The following CACNA2D4 variants were observed in gnomAD, a reference collection of about 807,000 sequenced individuals.
The protein encoded by CACNA2D4 is voltage-dependent calcium channel subunit alpha-2/delta-4.
A neutral mutation model predicts 163.8 loss-of-function variants in CACNA2D4; 157 were observed. The observed-to-expected ratio is 0.96, with a 90% CI of 0.84 to 1.09. The LOEUF (loss-of-function observed/expected upper bound fraction) is 1.09, where lower values mean the gene tolerates loss of function less well. Among genes scored for constraint, CACNA2D4 ranks in the 50% least tolerant of loss-of-function variants. The pLI, the probability that CACNA2D4 is intolerant of heterozygous loss-of-function variation, is 0.00. For synonymous variants in CACNA2D4, 598 were observed against 586.9 expected, an observed-to-expected ratio of 1.02 and a Z score of -0.27; for missense variants, 1,410 against 1,479.9, an observed-to-expected ratio of 0.95 and a Z score of 0.78.
chr12:1,913,666 G>T (rs1174129360), intron 2 of CACNA2D4, among the ~76,000 whole-genome samples: 2 of 152,232 alleles, frequency 1.3e-5, no homozygotes, highest in Non-Finnish European at 2.9e-5. Context: ...CAGGCACTGA[G>T]GATGGCTGCC....
chr12:1,820,546 CCT>C lies in CACNA2D4; in HGVS notation c.2552-8825_2552-8824del, dbSNP rs200465296. The C allele has an allele frequency of 2.4e-3, 370 of 152,342 alleles. 2 individuals carry two copies. Among genetic ancestry groups the C allele is most frequent in the Middle Eastern group, 0.013 (4 of 298 alleles). 9.4% of individuals were successfully genotyped at this position (152,342 alleles called of 1,614,324 possible). Reference sequence around the variant, plus strand: ...TCCCTCGCCCCTTTCTTCCCTCTCTCCTCTCTCTCTCTCCCTCCATCCCTCTC... The same window carrying C: ...TCCCTCGCCCCTTTCTTCCCTCTCTCCTCTCTCTCTCCCTCCATCCCTCTC... On this transcript the variant is annotated intron_variant, in intron 26 of 37. Coordinates refer to ENST00000382722, the MANE Select transcript of CACNA2D4 (RefSeq NM_172364.5). This position sits in a 1 kb window ranked among gnomAD's most constrained non-coding sequence, Gnocchi z 6.0.
chr12:1,792,319 G>A lies in CACNA2D4; in HGVS notation c.*1336C>T, dbSNP rs1044825. On this transcript the variant is annotated 3_prime_UTR_variant, in exon 38 of 38. Coordinates refer to ENST00000382722, the MANE Select transcript of CACNA2D4 (RefSeq NM_172364.5). ...ACGGTAAGAGTGACATTCTGTAACC[G>A]ATAATGTAAGTGTGTTTTACAGAGT... The A allele has an allele frequency of 6.6e-6, 1 of 152,104 alleles. No individual in the cohort carries two copies. The highest frequency in any genetic ancestry group is 2.4e-5 in the African/African-American group (1 of 41,410). The allele number at this position is 152,104 out of a possible 1,614,324, so 9.4% of individuals were successfully genotyped here. A position where few individuals can be genotyped will look rare whatever the true frequency, so the allele number is the denominator to read the frequency against.
At chr12:1,830,477 C>G (rs1322001363) in intron 26 of CACNA2D4, among the ~76,000 whole-genome samples, 2 of 152,232 alleles carry the variant, frequency 1.3e-5, no homozygotes, top group South Asian at 2.1e-4. Context: ...GAAACAAACT[C>G]TGTCCCAGCA....
chr12:1,907,553 C>T lies in CACNA2D4; in HGVS notation c.668G>A (p.Gly223Glu). 6.2e-7 allele frequency: 1 copy of T among 1,612,984 alleles called. No homozygotes were observed. The highest frequency in any genetic ancestry group is 8.5e-7 in the Non-Finnish European group (1 of 1,179,192). The change falls in exon 6 of 38, where the codon GGA (glycine) becomes GAA (glutamate). Residue 223 changes from glycine to glutamate, a missense_variant. Gly to Glu is a moderately conservative substitution (Grantham distance 98). Transcript: ENST00000382722. Reference sequence around the variant, plus strand: ...ATTCAAGGCTTCAGACATGTAGACTCCATTTAAAATATCTGGGTCTGAAGG... The same window carrying T: ...ATTCAAGGCTTCAGACATGTAGACTTCATTTAAAATATCTGGGTCTGAAGG... ...VYNKDPDILN[G>E]VYMSEALNAV...
At position 1,885,071 on chromosome 12, in the gene CACNA2D4, GA is replaced by G. The variant is rs768593377; in HGVS notation, c.1073del (p.Phe358SerfsTer8). 7.4e-6 allele frequency: 12 copies of G among 1,613,410 alleles called. No individual in the cohort carries two copies. The highest frequency in any genetic ancestry group is 1.0e-5 in the Non-Finnish European group (12 of 1,179,366). ...VQADRDNREH[F>X]KLLVEELMVK... ...CCATCAACTCCTCCACCAGCAGTTTGAAATGCTGCCATGGGTGAGATATTAG... is the reference window on the plus strand; with the variant it reads ...CCATCAACTCCTCCACCAGCAGTTTGAATGCTGCCATGGGTGAGATATTAG... On this transcript the variant is annotated frameshift_variant, in exon 10 of 38. Coordinates refer to ENST00000382722, the MANE Select transcript of CACNA2D4 (RefSeq NM_172364.5). LOFTEE classifies it high-confidence loss of function.
Position 1,838,977 on chromosome 12 carries a change from C to G in CACNA2D4, c.2551+1762G>C, listed in dbSNP as rs1451819141. ...AAGTGCTGCAGGTGGCTGCATCGCA[C>G]ACGACCAGTGACACCGGGCTTCTAC... On this transcript the variant is annotated intron_variant, in intron 26 of 37. Transcript: ENST00000382722. 2.6e-5 allele frequency among the ~76,000 whole-genome samples: 4 copies of G among 152,330 alleles called. No homozygotes were observed. In the East Asian group the frequency reaches 5.8e-4, roughly 22 times the overall value.
rs755130674 is a variant in CACNA2D4, at chr12:1,918,435, G to T, written c.39C>A (p.Asn13Lys). The T allele has an allele frequency of 3.2e-6, 5 of 1,586,696 alleles. No homozygotes were observed. The highest frequency in any genetic ancestry group is 3.4e-6 in the Non-Finnish European group (4 of 1,166,982). ...CGCSALLPLP[N>K]PRPTMPATPN... The stretch of plus-strand genomic sequence containing the variant: ...GAGTTGCAGGCATGGTGGGCCTGGG[G>T]TTGGGGAGGGGAAGGAGGGCAGAGC... Residue 13 changes from asparagine to lysine, a missense_variant, in exon 1 of 38, where the codon AAC (asparagine) becomes AAA (lysine). Asn to Lys is a moderately conservative substitution (Grantham distance 94). Transcript: ENST00000382722.
At position 1,909,922 on chromosome 12, in the gene CACNA2D4, A is replaced by T. The variant is rs1409561780; in HGVS notation, c.470T>A (p.Phe157Tyr). The T allele has an allele frequency of 1.2e-6, 2 of 1,613,724 alleles. No individual in the cohort carries two copies. Among genetic ancestry groups the T allele is most frequent in the Non-Finnish European group, 8.5e-7 (1 of 1,179,762 alleles). The change falls in exon 4 of 38, where the codon TTC (phenylalanine) becomes TAC (tyrosine). Residue 157 changes from phenylalanine to tyrosine, a missense_variant. Coordinates refer to ENST00000382722, the MANE Select transcript of CACNA2D4 (RefSeq NM_172364.5). ...AAEEADLNHE[F>Y]NESLVFDYYN... ...GGGACTCACCACCAGGGATTCATTG[A>T]ATTCGTGGTTCAGGTCGGCCTCCTC...
chr12:1,914,727 G>C, intron 2 of CACNA2D4, 127 bp downstream of exon 2: 1 of 667,196 alleles, frequency 1.5e-6, no homozygotes. Context: ...CTGGGCCTCA[G>C]TGGCCCCATC....
In CACNA2D4 at chr12:1,918,570, T is replaced by G; in HGVS notation, c.-97A>C. On this transcript the variant is annotated 5_prime_UTR_variant, in exon 1 of 38. Coordinates refer to ENST00000382722, the MANE Select transcript of CACNA2D4 (RefSeq NM_172364.5). ...GGGTCTCCAGCCTCTCAGTCCTGGG[T>G]GGGGAGGGCTTCTCTCTGCCCCACA... 1.1e-6 allele frequency: 1 copy of G among 905,070 alleles called. No individual in the cohort carries two copies. The highest frequency in any genetic ancestry group is 1.6e-5 in the South Asian group (1 of 63,744). The allele number at this position is 905,070 out of a possible 1,614,324, so 56.1% of individuals were successfully genotyped here. A position where few individuals can be genotyped will look rare whatever the true frequency, so the allele number is the denominator to read the frequency against.
At chr12:1,890,940 C>T (rs1433263395) in intron 6 of CACNA2D4, among the ~76,000 whole-genome samples, 1 of 152,178 alleles carries the variant, frequency 6.6e-6, no homozygotes, top group Non-Finnish European at 1.5e-5. Context: ...ACTGAACTGC[C>T]CAGCTCACTG....
chr12:1,838,386 G>A (rs1245944776), intron 26 of CACNA2D4, among the ~76,000 whole-genome samples: 2 of 152,112 alleles, frequency 1.3e-5, no homozygotes, highest in African/African-American at 2.4e-5. Flanking sequence ...GCGCTCACAC[G>A]CTTACAGTGC....
At position 1,886,218 on chromosome 12, in the gene CACNA2D4, T is replaced by A; in HGVS notation, c.993+5A>T. 6.2e-7 allele frequency: 1 copy of A among 1,612,418 alleles called. No individual in the cohort carries two copies. The highest frequency in any genetic ancestry group is 8.5e-7 in the Non-Finnish European group (1 of 1,178,568). ...AGCTATTCTAGAACAGGAAGGCACA[T>A]TTACCGCTATGATATTAATGAAGTC... On this transcript the variant is annotated splice_donor_5th_base_variant and intron_variant, in intron 8 of 37. Transcript: ENST00000382722.
At chr12:1,824,979 G>A (rs1361502718) in intron 26 of CACNA2D4, among the ~76,000 whole-genome samples, 1 of 152,258 alleles carries the variant, frequency 6.6e-6, no homozygotes, top group African/African-American at 2.4e-5. Flanking sequence ...TAGCTGCTAA[G>A]AGAGCACAGG....
chr12:1,811,860 G>T, intron 26 of CACNA2D4, 137 bp from the exon 27 acceptor site: 1 of 785,100 alleles, frequency 1.3e-6, no homozygotes, highest in Non-Finnish European at 2.1e-6. Context: ...TGAGTCAGAG[G>T]GCAGAGTGCA....
intron 29 of CACNA2D4, among the ~76,000 whole-genome samples, chr12:1,808,213 T>A (rs1863602493): frequency 6.6e-6 from 1 of 152,014 alleles, no homozygotes; most frequent in South Asian, 2.1e-4. Context: ...CTGGGGTGGT[T>A]TCCCTCCAGG....
Position 1,879,894 on chromosome 12 carries a change from G to A in CACNA2D4, c.1486-13C>T. On this transcript the variant is annotated splice_polypyrimidine_tract_variant and intron_variant, in intron 13 of 37. Coordinates refer to ENST00000382722, the MANE Select transcript of CACNA2D4 (RefSeq NM_172364.5). ...GCGAGCTGAGGAGCTGTAAGGGAGG[G>A]GAGAACAGGGGTCAGAAGGTGCGGC... 1.3e-6 allele frequency: 2 copies of A among 1,581,600 alleles called. No individual in the cohort carries two copies. Among genetic ancestry groups the A allele is most frequent in the South Asian group, 1.2e-5 (1 of 86,474 alleles).
Position 1,834,245 on chromosome 12 carries a change from T to C in CACNA2D4, c.2551+6494A>G. 1.3e-6 allele frequency: 2 copies of C among 1,530,838 alleles called. No individual in the cohort carries two copies. Among genetic ancestry groups the C allele is most frequent in the Non-Finnish European group, 1.8e-6 (2 of 1,137,524 alleles). 94.8% of individuals were successfully genotyped at this position (1,530,838 alleles called of 1,614,324 possible). ...AAGTTCTAGATGCCTGGTCAGCCCC[T>C]CTTTTTCTCTTCTGCATGTAGGGGG... On this transcript the variant is annotated intron_variant, in intron 26 of 37. Coordinates refer to ENST00000382722, the MANE Select transcript of CACNA2D4 (RefSeq NM_172364.5). The surrounding 1 kb of genome is among the most constrained non-coding windows in gnomAD (Gnocchi z 7.6).
At chr12:1,893,267 C>T (rs994393608) in intron 6 of CACNA2D4, among the ~76,000 whole-genome samples, 4 of 152,072 alleles carry the variant, frequency 2.6e-5, no homozygotes, top group East Asian at 3.9e-4. Context: ...AAATTAATCC[C>T]GGCACTTTGT....
Sources: allele counts gnomAD v4.1 joint callset (sites outside exome capture counted in the v4.1 genomes callset), GRCh38; gene constraint gnomAD v4.1.1; non-coding constraint Gnocchi (gnomAD v3.1); transcripts MANE v1.5; gene names NCBI Gene and HGNC (gene_info 2026-07-23, HGNC 2026-07-21).